Variants in SH3RF3 observed in about 807,000 individuals in gnomAD.
SH3RF3 encodes the protein E3 ubiquitin-protein ligase SH3RF3.
Under a neutral mutation model 66.3 loss-of-function variants are expected in SH3RF3, and 29 were observed. The ratio of observed to expected loss-of-function variants is 0.44; its 90% CI spans 0.33 to 0.60. SH3RF3 has a LOEUF of 0.60. SH3RF3 is among the 20% of genes least tolerant of loss of function. SH3RF3 has a pLI of 0.04. For missense variants in SH3RF3, 1,194 were observed against 1,190.9 expected, an observed-to-expected ratio of 1.00 and a Z score of -0.04; for synonymous variants, 583 against 532.0, an observed-to-expected ratio of 1.10 and a Z score of -1.32.
chr2:109,411,101 A>G (rs1159397109), intron 4 of SH3RF3, among the ~76,000 whole-genome samples: 1 of 152,222 alleles, frequency 6.6e-6, no homozygotes, highest in Non-Finnish European at 1.5e-5. Context: ...GTCCAGGGCC[A>G]AGCACCATGG....
chr2:109,190,669 A>C (rs564995747), intron 1 of SH3RF3, among the ~76,000 whole-genome samples: 2 of 152,246 alleles, frequency 1.3e-5, no homozygotes, highest in South Asian at 4.1e-4. Flanking sequence ...TCTACAGTCT[A>C]TGTGCATTTA....
chr2:109,242,562 T>C (rs1410183624), intron 1 of SH3RF3, among the ~76,000 whole-genome samples: 1 of 152,218 alleles, frequency 6.6e-6, no homozygotes, highest in Non-Finnish European at 1.5e-5. Context: ...GTGTCTGCAC[T>C]GACCACCGTG....
intron 1 of SH3RF3, among the ~76,000 whole-genome samples, chr2:109,164,260 G>A (rs956868768): frequency 1.3e-5 from 2 of 151,946 alleles, no homozygotes; most frequent in African/African-American, 2.4e-5. Flanking sequence ...ATAACTCACT[G>A]CGGCCTCGGC....
intron 1 of SH3RF3, among the ~76,000 whole-genome samples, chr2:109,303,147 A>G (rs1681510684): frequency 6.6e-6 from 1 of 152,182 alleles, no homozygotes; most frequent in Non-Finnish European, 1.5e-5. Context: ...AGGTGCTAGG[A>G]CTGCAGGCGT....
chr2:109,335,938 G>A (rs953246581), intron 1 of SH3RF3, among the ~76,000 whole-genome samples: 1 of 152,176 alleles, frequency 6.6e-6, no homozygotes, highest in African/African-American at 2.4e-5. Flanking sequence ...AAGACACTTG[G>A]GGGCTGGGAG....
At chr2:109,180,367 A>G (rs182600270) in intron 1 of SH3RF3, among the ~76,000 whole-genome samples, 3 of 152,194 alleles carry the variant, frequency 2.0e-5, no homozygotes, top group African/African-American at 7.2e-5. Context: ...GGACCATCTC[A>G]TTGGCTCAGG....
At chr2:109,283,727 G>A (rs1479108998) in intron 1 of SH3RF3, among the ~76,000 whole-genome samples, 3 of 152,310 alleles carry the variant, frequency 2.0e-5, no homozygotes, top group African/African-American at 7.2e-5. Flanking sequence ...ATGCTAAATC[G>A]CTGGCCTGAG....
intron 1 of SH3RF3, among the ~76,000 whole-genome samples, chr2:109,179,675 C>G (rs1678028888): frequency 6.6e-6 from 1 of 152,092 alleles, no homozygotes; most frequent in South Asian, 2.1e-4. Context: ...TCTTCCTGTT[C>G]TTCTAAAGCC....
chr2:109,386,866 T>C (rs1408559932), intron 3 of SH3RF3, among the ~76,000 whole-genome samples: 1 of 152,174 alleles, frequency 6.6e-6, no homozygotes, highest in Non-Finnish European at 1.5e-5. Flanking sequence ...CACCTCACGC[T>C]TTGTACAAAA....
intron 1 of SH3RF3, among the ~76,000 whole-genome samples, chr2:109,308,011 A>C (rs1265312041): frequency 2.8e-5 from 4 of 144,676 alleles, no homozygotes; most frequent in East Asian, 4.0e-4. Flanking sequence ...TGACTTCCAC[A>C]ATGGTTGAAC....
In SH3RF3 at chr2:109,256,455, C is replaced by T. The variant is rs769358530; in HGVS notation, c.574-91219C>T. ...CTTACCATTGACTGAAACAGGGAGA[C>T]GAGTGCTCTCTCATGGAAACAGGGG... On this transcript the variant is annotated intron_variant, in intron 1 of 9. Coordinates refer to ENST00000309415, the MANE Select transcript of SH3RF3 (RefSeq NM_001099289.3). 4.6e-4 allele frequency among the ~76,000 whole-genome samples: 69 copies of T among 151,424 alleles called. 1 individual carries two copies. The highest frequency in any genetic ancestry group is 3.4e-3 in the Middle Eastern group (1 of 294).
At chr2:109,314,275 T>C (rs1681817333) in intron 1 of SH3RF3, among the ~76,000 whole-genome samples, 1 of 152,194 alleles carries the variant, frequency 6.6e-6, no homozygotes, top group South Asian at 2.1e-4. Context: ...GCATATGTTT[T>C]AGGAGAAAGT....
chr2:109,361,867 A>T (rs62152246), intron 2 of SH3RF3, among the ~76,000 whole-genome samples: 209 of 152,336 alleles, frequency 1.4e-3, no homozygotes, highest in Admixed American at 2.5e-3. Flanking sequence ...TGGACATAGC[A>T]TTATTCATAA....
intron 1 of SH3RF3, among the ~76,000 whole-genome samples, chr2:109,314,006 G>A (rs1681803619): frequency 6.6e-6 from 1 of 152,204 alleles, no homozygotes; most frequent in Non-Finnish European, 1.5e-5. Flanking sequence ...ACAAGAAGGA[G>A]TACCAGGCTG....
At chr2:109,373,310 CT>C (rs1354743895) in intron 3 of SH3RF3, among the ~76,000 whole-genome samples, 1 of 152,192 alleles carries the variant, frequency 6.6e-6, no homozygotes, top group Non-Finnish European at 1.5e-5. Flanking sequence ...GCTGGCCAAA[CT>C]TTTTTCTCCA....
At chr2:109,140,198 G>A (rs1467477545) in intron 1 of SH3RF3, among the ~76,000 whole-genome samples, 2 of 152,154 alleles carry the variant, frequency 1.3e-5, no homozygotes, top group Non-Finnish European at 2.9e-5. Flanking sequence ...GTGCATATGG[G>A]TCGATTGATG....
At chr2:109,309,883 T>A (rs1410763693) in intron 1 of SH3RF3, among the ~76,000 whole-genome samples, 2 of 115,650 alleles carry the variant, frequency 1.7e-5, no homozygotes, top group Non-Finnish European at 1.7e-5. Context: ...CTCCCACACA[T>A]TAATAATGGG....
intron 1 of SH3RF3, among the ~76,000 whole-genome samples, chr2:109,135,741 C>T (rs1439596071): frequency 1.3e-5 from 2 of 152,136 alleles, no homozygotes; most frequent in Admixed American, 6.5e-5. Context: ...GTTGTGGAAA[C>T]TGGATCGTCA....
At chr2:109,269,413 C>T (rs541887402) in intron 1 of SH3RF3, among the ~76,000 whole-genome samples, 7 of 152,292 alleles carry the variant, frequency 4.6e-5, no homozygotes, top group Admixed American at 6.5e-5. Flanking sequence ...CTCTGCTGGC[C>T]GACCACATCC....
Sources: allele counts gnomAD v4.1 joint callset (sites outside exome capture counted in the v4.1 genomes callset), GRCh38; gene constraint gnomAD v4.1.1; transcripts MANE v1.5; gene names NCBI Gene and HGNC (gene_info 2026-07-23, HGNC 2026-07-21).